BEND3: variants seen among roughly 807,000 people sequenced by gnomAD.
BEND3 encodes BEN domain containing 3, also known as BEN domain-containing protein 3.
Under a neutral mutation model 60.1 loss-of-function variants are expected in BEND3, and 13 were observed. The observed-to-expected ratio is 0.22, with a 90% confidence interval of 0.14 to 0.34. BEND3 has a LOEUF of 0.34. Among genes scored for constraint, BEND3 ranks in the 10% least tolerant of loss-of-function variants. The pLI is 1.00. For synonymous variants in BEND3, 497 were observed against 491.5 expected (o/e 1.01, Z -0.15); for missense variants, 896 against 1,138.1 (o/e 0.79, Z 3.06).
At position 107,068,646 on chromosome 6, in the gene BEND3, A is replaced by G; in HGVS notation, c.*58T>C. On this transcript the variant is annotated 3_prime_UTR_variant, in exon 4 of 4. Coordinates refer to ENST00000369042, the MANE Select transcript of BEND3 (RefSeq NM_001367314.1). The surrounding 1 kb of genome is among the most constrained non-coding windows in gnomAD (Gnocchi z 5.8). ...GTGCTCCCAAGTATTGCTCAGTCCCAAGGGTGCCCATCGCTCAGCCTCTGG... is the reference window on the plus strand; with the variant it reads ...GTGCTCCCAAGTATTGCTCAGTCCCGAGGGTGCCCATCGCTCAGCCTCTGG... 6.4e-7 allele frequency: 1 copy of G among 1,566,968 alleles called. No homozygotes were observed. The highest frequency in any genetic ancestry group is 8.7e-7 in the Non-Finnish European group (1 of 1,155,522).
intron 1 of BEND3, chr6:107,113,753 T>C (rs1770178819): frequency 6.6e-6 from 1 of 151,548 alleles, no homozygotes; most frequent in South Asian, 2.1e-4. Flanking sequence ...TATCTAGGGA[T>C]GAATGGTTTA....
intron 3 of BEND3, among the ~76,000 whole-genome samples, chr6:107,092,573 A>C (rs968108920): frequency 2.2e-4 from 33 of 152,232 alleles, no homozygotes; most frequent in Admixed American, 1.3e-3. Context: ...GCACAAAGCA[A>C]GGATGTCTCC....
intron 2 of BEND3, 115 bp from the exon 3 acceptor site, chr6:107,098,868 T>A: frequency 1.3e-6 from 1 of 778,492 alleles, no homozygotes; most frequent in Non-Finnish European, 2.1e-6. Flanking sequence ...AGTGCTGAGA[T>A]AATGATGTCT....
chr6:107,089,211 C>CA (rs536395603), intron 3 of BEND3, among the ~76,000 whole-genome samples: 32 of 151,610 alleles, frequency 2.1e-4, no homozygotes, highest in Non-Finnish European at 3.8e-4. Context: ...GAAGAAGACA[C>CA]AAAAAAAGGA....
intron 3 of BEND3, among the ~76,000 whole-genome samples, chr6:107,082,771 C>A (rs1775260766): frequency 2.0e-5 from 3 of 152,156 alleles, no homozygotes; most frequent in Admixed American, 2.0e-4. Context: ...TGGTTCTGTG[C>A]TATGTAACAC....
chr6:107,103,948 CAAA>C (rs781876027), intron 1 of BEND3, among the ~76,000 whole-genome samples: 2 of 92,832 alleles, frequency 2.2e-5, no homozygotes, highest in African/African-American at 1.0e-4. Flanking sequence ...AACTCCGTCT[CAAA>C]AAAAAAAAAA....
chr6:107,078,508 G>A (rs11153042), intron 3 of BEND3, among the ~76,000 whole-genome samples: 57,407 of 137,754 alleles, frequency 0.42, 12,334 homozygotes, highest in Non-Finnish European at 0.44. Flanking sequence ...AGGCTGGAGT[G>A]CAGTGGTGCA....
At position 107,115,150 on chromosome 6, in the gene BEND3, G is replaced by A. The variant is rs559156802; in HGVS notation, c.-72C>T. On this transcript the variant is annotated 5_prime_UTR_variant, in exon 1 of 4. Coordinates refer to ENST00000369042, the MANE Select transcript of BEND3 (RefSeq NM_001367314.1). ...CGCGCCGAGTTTGGGCGCCACGTGG[G>A]GGGGAGGGCGCGGGGCCGGGGAGTG... The A allele has an allele frequency of 2.9e-4, 43 of 150,172 alleles. No homozygotes were observed. In the South Asian group the frequency reaches 5.3e-3, roughly 19 times the overall value. 9.3% of individuals were successfully genotyped at this position (150,172 alleles called of 1,614,324 possible). A position where few individuals can be genotyped will look rare whatever the true frequency, so the allele number is the denominator to read the frequency against.
chr6:107,073,505 C>T (rs1430072644), intron 3 of BEND3, among the ~76,000 whole-genome samples: 1 of 151,920 alleles, frequency 6.6e-6, no homozygotes, highest in Admixed American at 6.6e-5. Context: ...ATCCCCAGTG[C>T]CTAGCAAAGT....
chr6:107,097,188 G>A (rs1475537075), intron 3 of BEND3, among the ~76,000 whole-genome samples: 1 of 151,802 alleles, frequency 6.6e-6, no homozygotes, highest in African/African-American at 2.4e-5. Flanking sequence ...CCAACATGAA[G>A]AAACCCTGTC....
rs377099257 is a variant in BEND3 at position 107,069,218 on chromosome 6, C to T, written c.1973G>A (p.Arg658His). The change falls in exon 4 of 4, where the codon CGC becomes CAC. Residue 658 changes from arginine (R) to histidine (H), a missense_variant. Arg to His is a conservative substitution (Grantham distance 29). This residue lies in a region of BEND3 where 846 missense variants were observed against 1,036.7 expected (regional missense o/e 0.82). Coordinates refer to ENST00000369042, the MANE Select transcript of BEND3 (RefSeq NM_001367314.1). ...CTCAGGGCCCGGCACGTGGACCTTG[C>T]GCTGCTGCTGGTAGGAGCGCCTTTG... Reference protein sequence around the residue: ...TEQRRSYQQQRKVHVPGPECR... With the variant: ...TEQRRSYQQQHKVHVPGPECR... 1.7e-5 allele frequency: 27 copies of T among 1,612,096 alleles called. No homozygotes were observed. Among genetic ancestry groups the T allele is most frequent in the African/African-American group, 2.7e-5 (2 of 74,918 alleles).
At chr6:107,100,606 C>T (rs907988155) in intron 1 of BEND3, among the ~76,000 whole-genome samples, 1 of 152,126 alleles carries the variant, frequency 6.6e-6, no homozygotes, top group African/African-American at 2.4e-5. Flanking sequence ...CTGTTCCAGG[C>T]TGCAGGGTCT....
chr6:107,081,370 A>G (rs1775229612), intron 3 of BEND3, among the ~76,000 whole-genome samples: 2 of 151,508 alleles, frequency 1.3e-5, no homozygotes, highest in Admixed American at 1.3e-4. Flanking sequence ...ACAGACGCCC[A>G]CCACTACGCC....
chr6:107,078,751 GT>G (rs1488199642), intron 3 of BEND3, among the ~76,000 whole-genome samples: 1 of 150,616 alleles, frequency 6.6e-6, no homozygotes, highest in African/African-American at 2.4e-5. Context: ...AGGAACCTGA[GT>G]TTTGGCGATC....
intron 3 of BEND3, among the ~76,000 whole-genome samples, chr6:107,071,164 G>A (rs1339984329): frequency 6.6e-6 from 1 of 152,190 alleles, no homozygotes; most frequent in Non-Finnish European, 1.5e-5. Context: ...CCCATTCCCT[G>A]AGAAAAGACT....
chr6:107,092,699 A>G (rs782118652), intron 3 of BEND3, among the ~76,000 whole-genome samples: 1 of 152,230 alleles, frequency 6.6e-6, no homozygotes, highest in African/African-American at 2.4e-5. Flanking sequence ...CTTTCTTTGC[A>G]CATGACATGA....
Position 107,069,428 on chromosome 6 carries a change from T to C in BEND3, c.1763A>G (p.His588Arg). 10 of 1,612,634 alleles carry C rather than the reference T, an allele frequency of 6.2e-6. No homozygotes were observed. The highest frequency in any genetic ancestry group is 8.5e-6 in the Non-Finnish European group (10 of 1,180,020). ...GTTGTACTGCTTGCGCAGGTTCTCGTGCGTGAAGAGCTCGGGGAACAGGTG... is the reference window on the plus strand; with the variant it reads ...GTTGTACTGCTTGCGCAGGTTCTCGCGCGTGAAGAGCTCGGGGAACAGGTG... ...LVHLFPELFT[H>R]ENLRKQYNCS... is the part of the protein sequence containing the mutation. The change falls in exon 4 of 4, where the codon CAC (histidine) becomes CGC (arginine). Residue 588 changes from histidine (H) to arginine (R), a missense_variant. His to Arg is a conservative substitution (Grantham distance 29). Transcript: ENST00000369042.
intron 3 of BEND3, among the ~76,000 whole-genome samples, chr6:107,076,754 G>C (rs1775108880): frequency 6.6e-6 from 1 of 152,236 alleles, no homozygotes; most frequent in South Asian, 2.1e-4. Flanking sequence ...CAGTTGGGCT[G>C]GCATCTCCCT....
intron 3 of BEND3, among the ~76,000 whole-genome samples, chr6:107,092,215 C>A (rs544401072): frequency 4.5e-4 from 69 of 152,002 alleles, no homozygotes; most frequent in Non-Finnish European, 7.8e-4. Context: ...CGAGATCACA[C>A]CACTGCACTC....
Sources: gnomAD v4.1 joint callset for allele counts (sites outside exome capture counted in the v4.1 genomes callset) on GRCh38, gnomAD v4.1.1 for gene constraint, gnomAD v4.1.1 regional missense constraint, Gnocchi (gnomAD v3.1) non-coding constraint, MANE v1.5 for transcripts, NCBI Gene and HGNC (gene_info 2026-07-23, HGNC 2026-07-21) for gene names.